The following ZNF253 variants were observed in gnomAD, a reference collection of about 807,000 sequenced individuals.
The protein encoded by ZNF253 is DNA-binding protein.
In ZNF253, 8 loss-of-function variants were observed where a neutral mutation model predicts 11.9. The ratio of observed to expected loss-of-function variants is 0.67; its 90% CI spans 0.40 to 1.22. ZNF253 has a LOEUF of 1.22. Among genes scored for constraint, ZNF253 ranks in the 50% most tolerant of loss-of-function variants. The probability of loss-of-function intolerance (pLI) is 0.01; values close to 1 mark genes in which losing one functional copy is unlikely to be tolerated. For synonymous variants in ZNF253, 194 were observed against 194.9 expected (o/e 1.00, Z 0.04); for missense variants, 485 against 586.9 (o/e 0.83, Z 1.79).
At chr19:19,874,375 TTAGC>T (rs2063146210) in intron 1 of ZNF253, among the ~76,000 whole-genome samples, 2 of 151,676 alleles carry the variant, frequency 1.3e-5, no homozygotes, top group Admixed American at 1.3e-4. Context: ...AATACAAAAA[TTAGC>T]TAGGCATGGC....
chr19:19,869,980 G>A (rs1196576907), intron 1 of ZNF253, among the ~76,000 whole-genome samples: 3 of 151,944 alleles, frequency 2.0e-5, no homozygotes, highest in Non-Finnish European at 2.9e-5. Flanking sequence ...TTCTACAATA[G>A]TATGAACATA....
intron 1 of ZNF253, among the ~76,000 whole-genome samples, chr19:19,868,768 C>T (rs2063121293): frequency 6.6e-6 from 1 of 152,012 alleles, no homozygotes; most frequent in South Asian, 2.1e-4. Context: ...ACCTTCATGG[C>T]ACGTGTATAC....
At chr19:19,874,599 G>A (rs533719973) in intron 1 of ZNF253, among the ~76,000 whole-genome samples, 1 of 151,790 alleles carries the variant, frequency 6.6e-6, no homozygotes, top group South Asian at 2.1e-4. Flanking sequence ...TGACAGGGCG[G>A]TGGCTAGAAA....
At chr19:19,890,602 A>C (rs2063224814) in intron 3 of ZNF253, among the ~76,000 whole-genome samples, 2 of 150,584 alleles carry the variant, frequency 1.3e-5, no homozygotes, top group Middle Eastern at 3.5e-3. Context: ...AGCTCACTAC[A>C]ATCTCCGTCT....
intron 3 of ZNF253, among the ~76,000 whole-genome samples, chr19:19,884,223 C>T (rs1234570578): frequency 6.6e-6 from 1 of 151,918 alleles, no homozygotes; most frequent in Admixed American, 6.6e-5. Context: ...GTATATGTTA[C>T]ATTTTTTGAT....
Position 19,865,888 on chromosome 19 carries a change from C to A in ZNF253, c.-109C>A. The A allele has an allele frequency of 7.2e-7, 1 of 1,398,378 alleles. No individual in the cohort carries two copies. Among genetic ancestry groups the A allele is most frequent in the Non-Finnish European group, 1.0e-6 (1 of 983,328 alleles). The allele number at this position is 1,398,378 out of a possible 1,614,324, so 86.6% of individuals were successfully genotyped here. ...GCTGCAGCGGGAGCTCCAGGTTTATCCTCAGTGTTCTGTGTCCTGTGCTTA... is the reference window on the plus strand; with the variant it reads ...GCTGCAGCGGGAGCTCCAGGTTTATACTCAGTGTTCTGTGTCCTGTGCTTA... On this transcript the variant is annotated 5_prime_UTR_variant, in exon 1 of 4. Transcript: ENST00000589717.
At chr19:19,872,521 G>T (rs1445316284) in intron 1 of ZNF253, among the ~76,000 whole-genome samples, 2 of 135,020 alleles carry the variant, frequency 1.5e-5, no homozygotes, top group Non-Finnish European at 3.0e-5. Flanking sequence ...TAAGCTAATA[G>T]TGCCACATTG....
At chr19:19,866,071 A>G (rs1599547234) in intron 1 of ZNF253, 72 bp downstream of exon 1, 1 of 1,598,878 alleles carries the variant, frequency 6.3e-7, no homozygotes. Flanking sequence ...CTCTGGCGGG[A>G]CTCTGCTTCC....
At chr19:19,887,829 C>T (rs2063212581) in intron 3 of ZNF253, among the ~76,000 whole-genome samples, 1 of 141,830 alleles carries the variant, frequency 7.1e-6, no homozygotes, top group Non-Finnish European at 1.5e-5. Context: ...CTGCAGTGCA[C>T]TTGTTCAAGT....
chr19:19,886,029 G>A (rs1024035569), intron 3 of ZNF253, among the ~76,000 whole-genome samples: 3 of 152,124 alleles, frequency 2.0e-5, no homozygotes, highest in African/African-American at 7.2e-5. Flanking sequence ...AGATCTTACC[G>A]TCATCCAGGC....
At chr19:19,883,557 A>G (rs1305581892) in intron 3 of ZNF253, among the ~76,000 whole-genome samples, 1 of 151,994 alleles carries the variant, frequency 6.6e-6, no homozygotes, top group East Asian at 1.9e-4. Flanking sequence ...GTTGGGGGAC[A>G]GAGTGAGACC....
At position 19,892,738 on chromosome 19, in the gene ZNF253, CAT is replaced by C; in HGVS notation, c.1493_1494del (p.Ile498LysfsTer40). On this transcript the variant is annotated frameshift_variant, in exon 4 of 4. Transcript: ENST00000589717. LOFTEE classifies it high-confidence loss of function. ...LLNVPPLLIS[I>X]R Reference sequence around the variant, plus strand: ...TAAATGTTCCTCCACTTTTAATTAGCATAAGATAATTCATACTGGAGAGAAAC... The same window carrying C: ...TAAATGTTCCTCCACTTTTAATTAGCAAGATAATTCATACTGGAGAGAAAC... The C allele has an allele frequency of 6.3e-7, 1 of 1,588,062 alleles. No individual in the cohort carries two copies. Among genetic ancestry groups the C allele is most frequent in the Non-Finnish European group, 8.6e-7 (1 of 1,169,212 alleles).
chr19:19,888,955 G>C (rs1019664634), intron 3 of ZNF253, among the ~76,000 whole-genome samples: 3 of 151,684 alleles, frequency 2.0e-5, no homozygotes, highest in Admixed American at 6.6e-5. Flanking sequence ...TTATATGATA[G>C]TACAATTTTG....
At chr19:19,882,973 A>C (rs2063184272) in intron 3 of ZNF253, among the ~76,000 whole-genome samples, 1 of 151,522 alleles carries the variant, frequency 6.6e-6, no homozygotes, top group South Asian at 2.1e-4. Flanking sequence ...TCCGTCTCAA[A>C]AAAAAAAAAA....
In ZNF253 at chr19:19,892,917, C is replaced by A; in HGVS notation, c.*170C>A. ...CAACCCTTATTACACATAATTCATACCAAACAGAAGCCCTACAAGTGTGAA... is the reference window on the plus strand; with the variant it reads ...CAACCCTTATTACACATAATTCATAACAAACAGAAGCCCTACAAGTGTGAA... On this transcript the variant is annotated 3_prime_UTR_variant, in exon 4 of 4. Coordinates refer to ENST00000589717, the MANE Select transcript of ZNF253 (RefSeq NM_021047.3). 1 of 652,172 alleles carries A rather than the reference C, an allele frequency of 1.5e-6. No individual in the cohort carries two copies. The highest frequency in any genetic ancestry group is 2.6e-6 in the Non-Finnish European group (1 of 387,554). 40.4% of individuals were successfully genotyped at this position (652,172 alleles called of 1,614,324 possible).
chr19:19,875,464 C>T (rs887810780), intron 1 of ZNF253, among the ~76,000 whole-genome samples: 1 of 151,654 alleles, frequency 6.6e-6, no homozygotes, highest in South Asian at 2.1e-4. Context: ...TGGTGGATCT[C>T]GGCTCACTGC....
intron 3 of ZNF253, among the ~76,000 whole-genome samples, chr19:19,881,864 C>T (rs1425825141): frequency 6.6e-6 from 1 of 151,100 alleles, no homozygotes; most frequent in Non-Finnish European, 1.5e-5. Flanking sequence ...TTGACTAATT[C>T]TTCTGCCACA....
intron 1 of ZNF253, among the ~76,000 whole-genome samples, chr19:19,867,359 C>CTTTTA (rs896090313): frequency 3.3e-5 from 5 of 152,106 alleles, no homozygotes; most frequent in East Asian, 3.9e-4. Flanking sequence ...TTTACTAAAT[C>CTTTTA]TTTTATTTTA....
chr19:19,867,309 C>T (rs2063115776), intron 1 of ZNF253, among the ~76,000 whole-genome samples: 1 of 151,930 alleles, frequency 6.6e-6, no homozygotes, highest in Admixed American at 6.6e-5. Context: ...TTTTAAATGG[C>T]CAGAGAGTAT....
Sources: allele counts gnomAD v4.1 joint callset (sites outside exome capture counted in the v4.1 genomes callset), GRCh38; gene constraint gnomAD v4.1.1; transcripts MANE v1.5; gene names NCBI Gene and HGNC (gene_info 2026-07-23, HGNC 2026-07-21).